Variants in NELL1 observed in about 807,000 individuals in gnomAD.
The protein encoded by NELL1 is neural EGFL like 1, also known as protein kinase C-binding protein NELL1.
A neutral mutation model predicts 107.4 loss-of-function variants in NELL1; 76 were observed. The ratio of observed to expected loss-of-function variants is 0.71; its 90% CI spans 0.59 to 0.86. The LOEUF (loss-of-function observed/expected upper bound fraction) is 0.86. Among genes scored for constraint, NELL1 ranks in the 40% least tolerant of loss-of-function variants. NELL1 has a pLI of 0.00. For synonymous variants in NELL1, 353 were observed against 341.2 expected, an observed-to-expected ratio of 1.03 and a Z score of -0.38; for missense variants, 1,024 against 1,005.5, an observed-to-expected ratio of 1.02 and a Z score of -0.25.
chr11:20,998,408 G>A (rs899083598), intron 12 of NELL1, among the ~76,000 whole-genome samples: 1 of 152,000 alleles, frequency 6.6e-6, no homozygotes, highest in African/African-American at 2.4e-5. Flanking sequence ...AATTTTGTTT[G>A]TTACCCCTTC....
intron 14 of NELL1, among the ~76,000 whole-genome samples, chr11:21,280,473 C>T (rs886371828): frequency 1.3e-5 from 2 of 152,138 alleles, no homozygotes; most frequent in Non-Finnish European, 2.9e-5. Flanking sequence ...CACCTTTTCC[C>T]CATCACTCAG....
intron 14 of NELL1, among the ~76,000 whole-genome samples, chr11:21,324,623 A>C (rs1422062650): frequency 6.6e-6 from 1 of 152,064 alleles, no homozygotes; most frequent in Non-Finnish European, 1.5e-5. Context: ...TATGATGGGA[A>C]TCTTAGGAGA....
At chr11:20,683,502 T>A (rs1159162159) in intron 2 of NELL1, among the ~76,000 whole-genome samples, 3 of 152,090 alleles carry the variant, frequency 2.0e-5, no homozygotes, top group Non-Finnish European at 4.4e-5. Flanking sequence ...GTGTCTATTT[T>A]TCCCATCTGT....
At chr11:21,122,524 T>C (rs964395774) in intron 13 of NELL1, among the ~76,000 whole-genome samples, 1 of 152,214 alleles carries the variant, frequency 6.6e-6, no homozygotes, top group African/African-American at 2.4e-5. Context: ...TTTAGAAGTA[T>C]AGTGAAGTGC....
At chr11:20,883,277 T>C (rs922139562) in intron 4 of NELL1, among the ~76,000 whole-genome samples, 5 of 152,248 alleles carry the variant, frequency 3.3e-5, no homozygotes, top group African/African-American at 1.2e-4. Flanking sequence ...GGGCCTCAGA[T>C]GTTTGCTTCT....
chr11:21,009,979 ATCT>A (rs1293214699), intron 12 of NELL1, among the ~76,000 whole-genome samples: 2 of 108,186 alleles, frequency 1.8e-5, no homozygotes, highest in African/African-American at 7.2e-5. Flanking sequence ...CAACTTGCTA[ATCT>A]TCTCCCTGTG....
chr11:21,404,952 C>A (rs992994489), intron 15 of NELL1, among the ~76,000 whole-genome samples: 1 of 152,138 alleles, frequency 6.6e-6, no homozygotes. Flanking sequence ...GACAGATTAC[C>A]TATTCTAGGT....
At chr11:21,162,666 A>T (rs2133802154) in intron 13 of NELL1, among the ~76,000 whole-genome samples, 1 of 152,236 alleles carries the variant, frequency 6.6e-6, no homozygotes, top group East Asian at 1.9e-4. Context: ...GACCTTCAAG[A>T]TCTTCAACCT....
intron 2 of NELL1, among the ~76,000 whole-genome samples, chr11:20,741,280 G>C (rs752236034): frequency 6.6e-6 from 1 of 151,928 alleles, no homozygotes; most frequent in African/African-American, 2.4e-5. Context: ...CTTAATCCAC[G>C]TCCCAAATAC....
intron 3 of NELL1, among the ~76,000 whole-genome samples, chr11:20,827,986 T>G (rs1028776891): frequency 2.6e-5 from 4 of 151,302 alleles, no homozygotes; most frequent in African/African-American, 9.7e-5. Flanking sequence ...TCAGCATCTC[T>G]TTATTGGTGC....
At chr11:21,358,199 G>A (rs1192902592) in intron 14 of NELL1, among the ~76,000 whole-genome samples, 4 of 152,088 alleles carry the variant, frequency 2.6e-5, no homozygotes, top group South Asian at 2.1e-4. Flanking sequence ...ATGGTCCTTC[G>A]ATGGGAATCA....
intron 13 of NELL1, among the ~76,000 whole-genome samples, chr11:21,137,761 A>G (rs377506375): frequency 1.3e-5 from 2 of 152,298 alleles, no homozygotes; most frequent in Non-Finnish European, 2.9e-5. Context: ...AGAAGAGGAA[A>G]CATTTTCTTC....
At position 21,296,438 on chromosome 11, in the gene NELL1, A is replaced by C. The variant is rs555758236; in HGVS notation, c.1549+66984A>C. Reference sequence around the variant, plus strand: ...TTCTGCATTATATGTATATATATATATCTCTAATCATCAAGTTGTATACTT... The same window carrying C: ...TTCTGCATTATATGTATATATATATCTCTCTAATCATCAAGTTGTATACTT... On this transcript the variant is annotated intron_variant, in intron 14 of 19. Transcript: ENST00000357134. Among the ~76,000 whole-genome samples, 22 of 152,090 alleles carry C rather than the reference A, an allele frequency of 1.4e-4. No homozygotes were observed. In the South Asian group the frequency reaches 3.5e-3, roughly 24 times the overall value.
At chr11:21,309,019 C>T (rs1849668684) in intron 14 of NELL1, among the ~76,000 whole-genome samples, 1 of 151,332 alleles carries the variant, frequency 6.6e-6, no homozygotes, top group African/African-American at 2.4e-5. Flanking sequence ...TTGGGAAACA[C>T]TTATTTGAGC....
At chr11:21,271,735 A>T (rs1309777984) in intron 14 of NELL1, among the ~76,000 whole-genome samples, 1 of 152,232 alleles carries the variant, frequency 6.6e-6, no homozygotes, top group African/African-American at 2.4e-5. Context: ...ACAAAATATT[A>T]GTGAATTGAC....
At chr11:20,791,389 A>G (rs1857070300) in intron 3 of NELL1, among the ~76,000 whole-genome samples, 1 of 152,140 alleles carries the variant, frequency 6.6e-6, no homozygotes, top group South Asian at 2.1e-4. Context: ...TTGCTACTGT[A>G]TAGAAAGGAA....
intron 3 of NELL1, among the ~76,000 whole-genome samples, chr11:20,796,755 A>G (rs1054176192): frequency 6.6e-6 from 1 of 152,206 alleles, no homozygotes; most frequent in African/African-American, 2.4e-5. Context: ...TGAGACATAC[A>G]AGAGTGGAGA....
At chr11:20,913,976 A>G (rs1012084823) in intron 5 of NELL1, among the ~76,000 whole-genome samples, 1 of 152,118 alleles carries the variant, frequency 6.6e-6, no homozygotes, top group African/African-American at 2.4e-5. Context: ...GTATCTATCT[A>G]TTAAGGCAAT....
chr11:21,555,861 A>G (rs994795916), intron 16 of NELL1, among the ~76,000 whole-genome samples: 4 of 151,904 alleles, frequency 2.6e-5, no homozygotes, highest in African/African-American at 4.8e-5. Flanking sequence ...AACTGTGTCA[A>G]CCTCATTCTT....
Sources: allele counts gnomAD v4.1 joint callset (sites outside exome capture counted in the v4.1 genomes callset), GRCh38; gene constraint gnomAD v4.1.1; transcripts MANE v1.5; gene names NCBI Gene and HGNC (gene_info 2026-07-23, HGNC 2026-07-21).